The following DDX60L variants were observed in gnomAD, a reference collection of about 807,000 sequenced individuals.
The protein encoded by DDX60L is DExD/H-box 60 like.
DDX60L carries 191 observed loss-of-function variants against 211.6 expected under a neutral mutation model. That is an observed-to-expected ratio of 0.90 (90% CI 0.80 to 1.02). DDX60L has a LOEUF of 1.02. Ranked by LOEUF, DDX60L falls within the 50% of genes least tolerant of loss-of-function variation. DDX60L has a pLI of 0.00. For synonymous variants in DDX60L, 706 were observed against 694.1 expected, an observed-to-expected ratio of 1.02 and a Z score of -0.27; for missense variants, 2,007 against 1,984.1, an observed-to-expected ratio of 1.01 and a Z score of -0.22.
chr4:168,450,759 T>C (rs1755694263), intron 8 of DDX60L, among the ~76,000 whole-genome samples: 1 of 151,934 alleles, frequency 6.6e-6, no homozygotes, highest in Non-Finnish European at 1.5e-5. Flanking sequence ...CTACAAAAAA[T>C]AAAATTAGCC....
At chr4:168,463,390 C>T (rs1757572443) in intron 4 of DDX60L, among the ~76,000 whole-genome samples, 1 of 152,108 alleles carries the variant, frequency 6.6e-6, no homozygotes. Context: ...ATGATGAGAA[C>T]ACATGGACAC....
rs1750999537 is a variant in DDX60L, at chr4:168,423,601, C to A, written c.2097+7G>T. 4.7e-6 allele frequency: 7 copies of A among 1,484,774 alleles called. No homozygotes were observed. The highest frequency in any genetic ancestry group is 6.3e-6 in the Non-Finnish European group (7 of 1,102,698). 92.0% of individuals were successfully genotyped at this position (1,484,774 alleles called of 1,614,324 possible). A position where few individuals can be genotyped will look rare whatever the true frequency, so the allele number is the denominator to read the frequency against. On this transcript the variant is annotated splice_region_variant and intron_variant, in intron 15 of 37. Coordinates refer to ENST00000682922, the MANE Select transcript of DDX60L (RefSeq NM_001012967.3). ...ATTTAAAGTATAAGAAATTCTAGTTCTCTTACCAGAGTTGGATCCAAAGAG... is the reference window on the plus strand; with the variant it reads ...ATTTAAAGTATAAGAAATTCTAGTTATCTTACCAGAGTTGGATCCAAAGAG...
intron 10 of DDX60L, among the ~76,000 whole-genome samples, chr4:168,435,408 T>A (rs532952249): frequency 1.3e-5 from 2 of 151,926 alleles, no homozygotes; most frequent in Non-Finnish European, 2.9e-5. Context: ...AATACAGGAG[T>A]GCTGATTTTC....
chr4:168,449,652 C>CA, intron 8 of DDX60L, among the ~76,000 whole-genome samples: 396 of 7,918 alleles, frequency 0.05, 19 homozygotes, highest in African/African-American at 0.17. Flanking sequence ...AAAAAAAATG[C>CA]AAAAAAAAAA....
intron 35 of DDX60L, 36 bp downstream of exon 35, chr4:168,373,630 A>C: frequency 1.3e-6 from 2 of 1,599,244 alleles, no homozygotes; most frequent in Non-Finnish European, 1.7e-6. Flanking sequence ...CTGTCTGTTA[A>C]ACACATTTTG....
chr4:168,406,163 T>A (rs1561003129), intron 23 of DDX60L, 85 bp from the exon 24 acceptor site: 5 of 1,422,818 alleles, frequency 3.5e-6, no homozygotes, highest in Middle Eastern at 2.5e-4. Context: ...AGTTTACTTG[T>A]CTCCTTAACA....
chr4:168,391,769 T>G (rs1255629174), intron 28 of DDX60L, 125 bp from the exon 29 acceptor site: 2 of 529,670 alleles, frequency 3.8e-6, no homozygotes. Flanking sequence ...TCATTAAAAC[T>G]AACATACTAA....
At position 168,371,667 on chromosome 4, in the gene DDX60L, A is replaced by G. The variant is rs1741046274; in HGVS notation, c.4873T>C (p.Tyr1625His). Reference protein sequence around the residue: ...NRGRRMPLNAYVLNFYKHNCL... With the variant: ...NRGRRMPLNAHVLNFYKHNCL... ...TTGTGTTTATAGAAATTGAGCACAT[A>G]TGCATTTAGTGGCATTCTCCTTCCT... is the stretch of plus-strand genomic sequence containing the variant. Residue 1625 changes from tyrosine (Y) to histidine (H), a missense_variant, in exon 36 of 38, where the codon TAT (tyrosine) becomes CAT (histidine). Coordinates refer to ENST00000682922, the MANE Select transcript of DDX60L (RefSeq NM_001012967.3). 2.5e-6 allele frequency: 4 copies of G among 1,599,892 alleles called. No individual in the cohort carries two copies. Among genetic ancestry groups the G allele is most frequent in the Non-Finnish European group, 3.4e-6 (4 of 1,172,804 alleles).
rs773894233 is a variant in DDX60L at position 168,423,666 on chromosome 4, G to C, written c.2039C>G (p.Ala680Gly). The change falls in exon 15 of 38, where the codon GCT (alanine) becomes GGT (glycine). Residue 680 changes from alanine (A) to glycine (G), a missense_variant. Physicochemically the swap from Ala to Gly is moderately conservative, Grantham distance 60 (BLOSUM62 0). Coordinates refer to ENST00000682922, the MANE Select transcript of DDX60L (RefSeq NM_001012967.3). ...ILEAEHHQYI[A>G]KCLKYLGFND... ...AAAGCCTAAATATTTAAGGCATTTA[G>C]CTATATATTGATGATGTTCTGCTTC... 1 of 1,602,524 alleles carries C rather than the reference G, an allele frequency of 6.2e-7. No homozygotes were observed. Among genetic ancestry groups the C allele is most frequent in the Admixed American group, 1.7e-5 (1 of 58,242 alleles).
In DDX60L at chr4:168,383,045, GC is replaced by G. The variant is rs375994327; in HGVS notation, c.4116+1566del. 1.1e-4 allele frequency among the ~76,000 whole-genome samples: 16 copies of G among 152,238 alleles called. No individual in the cohort carries two copies. The East Asian group carries it at 1.7e-3, about 17-fold the overall frequency. ...TTCTGAGATTTAGGAAAATGTAATT[GC>G]CTTATTAAAGTTAAATAGTCAGTAA... On this transcript the variant is annotated intron_variant, in intron 30 of 37. Transcript: ENST00000682922.
chr4:168,394,332 CA>C, intron 28 of DDX60L, 132 bp downstream of exon 28: 1 of 624,164 alleles, frequency 1.6e-6, no homozygotes, highest in Non-Finnish European at 2.7e-6. Flanking sequence ...TGGAGCAGTC[CA>C]GTCCAGTGAG....
intron 9 of DDX60L, among the ~76,000 whole-genome samples, chr4:168,442,385 G>A (rs1225088238): frequency 1.3e-5 from 2 of 152,182 alleles, no homozygotes; most frequent in Admixed American, 6.5e-5. Context: ...TGCTAGCACA[G>A]CAGTCTGAGA....
chr4:168,429,583 T>A (rs912323095), intron 13 of DDX60L, among the ~76,000 whole-genome samples: 1 of 152,240 alleles, frequency 6.6e-6, no homozygotes, highest in African/African-American at 2.4e-5. Flanking sequence ...TTTTATGTAA[T>A]CTTCTTAGGA....
At chr4:168,442,082 T>C (rs1034781053) in intron 9 of DDX60L, among the ~76,000 whole-genome samples, 2 of 152,010 alleles carry the variant, frequency 1.3e-5, no homozygotes, top group Non-Finnish European at 2.9e-5. Context: ...TGCATTTCCA[T>C]ATGAGGTACC....
At chr4:168,369,963 C>T (rs1333009977) in intron 36 of DDX60L, among the ~76,000 whole-genome samples, 5 of 152,080 alleles carry the variant, frequency 3.3e-5, no homozygotes, top group Non-Finnish European at 7.4e-5. Flanking sequence ...CCCTTACATG[C>T]TGTGGGTAGG....
intron 31 of DDX60L, 60 bp from the exon 32 acceptor site, chr4:168,379,564 C>T (rs986893865): frequency 9.8e-6 from 13 of 1,332,096 alleles, no homozygotes; most frequent in Non-Finnish European, 1.3e-5. Flanking sequence ...CCATAAAATA[C>T]CAGTGTGAGT....
chr4:168,449,631 T>TAAAA (rs1755397945), intron 8 of DDX60L, among the ~76,000 whole-genome samples: 1 of 9,134 alleles, frequency 1.1e-4, no homozygotes, highest in African/African-American at 7.7e-4. Context: ...AAAAAAAACA[T>TAAAA]TAAAACAAAA....
rs1044587172 is a variant in DDX60L at position 168,375,333 on chromosome 4, T to C, written c.4633+44A>G. On this transcript the variant is annotated intron_variant, in intron 34 of 37. Transcript: ENST00000682922. Reference sequence around the variant, plus strand: ...CCAGAGGCTTTCTTAACCAAGATTGTTTACTCTTTAAATTGTTCCGGAATG... The same window carrying C: ...CCAGAGGCTTTCTTAACCAAGATTGCTTACTCTTTAAATTGTTCCGGAATG... 3.2e-6 allele frequency: 5 copies of C among 1,583,524 alleles called. No homozygotes were observed. In the Admixed American group the frequency reaches 5.3e-5, roughly 17 times the overall value.
intron 22 of DDX60L, among the ~76,000 whole-genome samples, chr4:168,407,536 G>A (rs917701954): frequency 6.6e-6 from 1 of 152,248 alleles, no homozygotes; most frequent in Admixed American, 6.5e-5. Context: ...CTATGGGAAA[G>A]GCCCTATTAA....
Sources: gnomAD v4.1 joint callset for allele counts (sites outside exome capture counted in the v4.1 genomes callset) on GRCh38, gnomAD v4.1.1 for gene constraint, MANE v1.5 for transcripts, NCBI Gene and HGNC (gene_info 2026-07-23, HGNC 2026-07-21) for gene names.